ACER3: variants seen among roughly 807,000 people sequenced by gnomAD.
ACER3 encodes the protein alkaline ceramidase 3.
Under a neutral mutation model 48.9 loss-of-function variants are expected in ACER3, and 16 were observed. That is an observed-to-expected ratio of 0.33 (90% CI 0.22 to 0.50). The LOEUF is 0.50. Ranked by LOEUF, ACER3 falls within the 20% of genes least tolerant of loss-of-function variation. The pLI is 0.98. For synonymous variants in ACER3, 109 were observed against 107.8 expected, an observed-to-expected ratio of 1.01 and a Z score of -0.07; for missense variants, 227 against 326.0, an observed-to-expected ratio of 0.70 and a Z score of 2.34.
At chr11:76,949,084 C>T (rs199497653) in intron 2 of ACER3, among the ~76,000 whole-genome samples, 1 of 130,700 alleles carries the variant, frequency 7.7e-6, no homozygotes, top group Non-Finnish European at 1.8e-5. Context: ...AAATGTGTAT[C>T]GGAGCATATT....
At chr11:76,956,465 G>A (rs188458761) in intron 2 of ACER3, among the ~76,000 whole-genome samples, 31 of 152,180 alleles carry the variant, frequency 2.0e-4, no homozygotes, top group African/African-American at 6.7e-4. Flanking sequence ...TTTTTTATGT[G>A]TTACCCAGAT....
intron 1 of ACER3, among the ~76,000 whole-genome samples, chr11:76,864,767 TTTTTGTATTTTTAGTGGAGAC>T: frequency 6.6e-6 from 1 of 151,570 alleles, no homozygotes; most frequent in African/African-American, 2.4e-5. Flanking sequence ...GCCTGGCTAA[TTTTTGTATTTTTAGTGGAGAC>T]GGGGTTTCAC....
intron 7 of ACER3, among the ~76,000 whole-genome samples, chr11:77,009,409 C>A (rs1004314402): frequency 3.3e-5 from 5 of 152,176 alleles, no homozygotes; most frequent in East Asian, 1.9e-4. Context: ...ACACCTCCCA[C>A]CAGGCCCCAC....
At chr11:76,943,315 T>G (rs550762564) in intron 2 of ACER3, among the ~76,000 whole-genome samples, 17 of 152,202 alleles carry the variant, frequency 1.1e-4, no homozygotes, top group Non-Finnish European at 1.8e-4. Flanking sequence ...AACTTCCCTC[T>G]TAGCACTGCT....
At chr11:76,903,699 A>G (rs1946143247) in intron 1 of ACER3, among the ~76,000 whole-genome samples, 1 of 152,116 alleles carries the variant, frequency 6.6e-6, no homozygotes, top group Middle Eastern at 3.2e-3. Flanking sequence ...TTATAGCATC[A>G]CATGGTAGAT....
At chr11:76,956,699 T>TA (rs1555010383) in intron 2 of ACER3, among the ~76,000 whole-genome samples, 4 of 151,554 alleles carry the variant, frequency 2.6e-5, no homozygotes, top group South Asian at 4.2e-4. Context: ...TTTTTTTTTT[T>TA]ACTTCATAGT....
rs1380540047 is a variant in ACER3, at chr11:76,926,583, A to G, written c.130A>G (p.Ile44Val). 3 of 1,608,152 alleles carry G rather than the reference A, an allele frequency of 1.9e-6. No individual in the cohort carries two copies. The highest frequency in any genetic ancestry group is 2.6e-6 in the Non-Finnish European group (3 of 1,175,042). ...GAATACAGTGAGTAACCTGATCATG[A>G]TTATACCTCCAATGTTCGGTGCAGT... ...FWNTVSNLIM[I>V]IPPMFGAVQS... Residue 44 changes from isoleucine to valine, a missense_variant, in exon 2 of 11, where the codon ATT becomes GTT. Coordinates refer to ENST00000532485, the MANE Select transcript of ACER3 (RefSeq NM_018367.7).
intron 2 of ACER3, among the ~76,000 whole-genome samples, chr11:76,927,763 T>G (rs1462469614): frequency 6.6e-6 from 1 of 152,210 alleles, no homozygotes; most frequent in African/African-American, 2.4e-5. Flanking sequence ...TCCAACTTCA[T>G]CCATGTCCCT....
At chr11:77,010,091 T>C (rs1555021818) in intron 7 of ACER3, among the ~76,000 whole-genome samples, 1 of 151,882 alleles carries the variant, frequency 6.6e-6, no homozygotes, top group East Asian at 1.9e-4. Flanking sequence ...CAGCCTCAGT[T>C]TTAGGTAGGA....
intron 1 of ACER3, 110 bp from the exon 2 acceptor site, chr11:76,926,447 G>C (rs1946831734): frequency 1.1e-5 from 6 of 556,188 alleles, no homozygotes; most frequent in Non-Finnish European, 1.8e-5. Flanking sequence ...TCTTCCCAAT[G>C]TCTTTCTGAG....
chr11:77,011,988 A>G (rs932134526), intron 7 of ACER3, among the ~76,000 whole-genome samples: 1 of 152,070 alleles, frequency 6.6e-6, no homozygotes. Flanking sequence ...ATTTTTTTTA[A>G]TCCCTTTAAA....
chr11:76,927,744 A>G (rs1443618466), intron 2 of ACER3, among the ~76,000 whole-genome samples: 3 of 152,148 alleles, frequency 2.0e-5, no homozygotes, highest in African/African-American at 7.2e-5. Flanking sequence ...TTTGCTGAGA[A>G]TGATGGTTTC....
At chr11:76,908,961 A>G (rs866980255) in intron 1 of ACER3, among the ~76,000 whole-genome samples, 14 of 152,306 alleles carry the variant, frequency 9.2e-5, no homozygotes, top group Middle Eastern at 3.4e-3. Context: ...CTCAGAAATA[A>G]CACCACACAT....
At chr11:76,872,680 A>G (rs961020860) in intron 1 of ACER3, among the ~76,000 whole-genome samples, 4 of 152,200 alleles carry the variant, frequency 2.6e-5, no homozygotes, top group Non-Finnish European at 5.9e-5. Context: ...GGGTTACCAT[A>G]TCACAGGACT....
At chr11:76,930,947 T>G (rs1204375226) in intron 2 of ACER3, among the ~76,000 whole-genome samples, 1 of 150,946 alleles carries the variant, frequency 6.6e-6, no homozygotes, top group Non-Finnish European at 1.5e-5. Context: ...TTCTGTTGAT[T>G]TGGGGTGGAG....
intron 3 of ACER3, among the ~76,000 whole-genome samples, chr11:76,963,920 A>G (rs577274178): frequency 1.3e-5 from 2 of 151,550 alleles, no homozygotes; most frequent in South Asian, 4.1e-4. Context: ...CTGCATTTCC[A>G]ACTGAGGTAC....
chr11:76,957,333 T>C (rs1947866651), intron 2 of ACER3: 1 of 290,834 alleles, frequency 3.4e-6, no homozygotes, highest in African/African-American at 2.2e-5. Context: ...TTAATTTTTT[T>C]AAGTTGAAGC....
At chr11:76,878,818 A>G (rs1214466384) in intron 1 of ACER3, among the ~76,000 whole-genome samples, 1 of 152,062 alleles carries the variant, frequency 6.6e-6, no homozygotes, top group African/African-American at 2.4e-5. Flanking sequence ...CACATCCCCA[A>G]CAATGTTTGG....
Position 76,969,186 on chromosome 11 carries a change from A to G in ACER3, c.268-7103A>G, listed in dbSNP as rs199716312. 6.6e-5 allele frequency among the ~76,000 whole-genome samples: 10 copies of G among 152,364 alleles called. No individual in the cohort carries two copies. In the East Asian group the frequency reaches 1.9e-3, roughly 29 times the overall value. On this transcript the variant is annotated intron_variant, in intron 3 of 10. Coordinates refer to ENST00000532485, the MANE Select transcript of ACER3 (RefSeq NM_018367.7). ...GACATTTATGCAGCCAAAAAAACACATGAAAAAATGCTCATCGTCACTGGC... is the reference window on the plus strand; with the variant it reads ...GACATTTATGCAGCCAAAAAAACACGTGAAAAAATGCTCATCGTCACTGGC...
Sources: allele counts gnomAD v4.1 joint callset (sites outside exome capture counted in the v4.1 genomes callset), GRCh38; gene constraint gnomAD v4.1.1; transcripts MANE v1.5; gene names NCBI Gene and HGNC (gene_info 2026-07-23, HGNC 2026-07-21).